The following PCDHGA9 variants were observed in gnomAD, a reference collection of about 807,000 sequenced individuals.
The protein encoded by PCDHGA9 is protocadherin gamma subfamily A, 9, also known as protocadherin gamma-A9.
PCDHGA9 carries 37 observed loss-of-function variants against 62.5 expected under a neutral mutation model. The observed-to-expected ratio is 0.59, with a 90% CI of 0.46 to 0.78. The LOEUF (loss-of-function observed/expected upper bound fraction) is 0.78. PCDHGA9 is among the 30% of genes least tolerant of loss of function. The pLI is 0.00. For missense variants in PCDHGA9, 1,138 were observed against 1,166.2 expected, an observed-to-expected ratio of 0.98 and a Z score of 0.35; for synonymous variants, 459 against 484.6, an observed-to-expected ratio of 0.95 and a Z score of 0.69.
At chr5:141,508,903 G>A (rs1410291297) in intron 3 of PCDHGA9, among the ~76,000 whole-genome samples, 1 of 152,086 alleles carries the variant, frequency 6.6e-6, no homozygotes, top group East Asian at 1.9e-4. Flanking sequence ...GGGCGGGGCG[G>A]TGGCGGATCT....
intron 1 of PCDHGA9, among the ~76,000 whole-genome samples, chr5:141,425,471 T>A (rs2096877403): frequency 6.6e-6 from 1 of 152,218 alleles, no homozygotes; most frequent in African/African-American, 2.4e-5. Flanking sequence ...TGTTATTAAT[T>A]CCTATGGCAA....
At chr5:141,501,516 C>A (rs763346187) in intron 2 of PCDHGA9, among the ~76,000 whole-genome samples, 1 of 152,010 alleles carries the variant, frequency 6.6e-6, no homozygotes, top group Non-Finnish European at 1.5e-5. Flanking sequence ...GGCCTCCAAG[C>A]TGAAGCCCAG....
Position 141,504,677 on chromosome 5 carries a change from T to C in PCDHGA9, c.2484-716T>C, listed in dbSNP as rs552242248. 4.7e-5 allele frequency among the ~76,000 whole-genome samples: 7 copies of C among 147,580 alleles called. No homozygotes were observed. In the East Asian group the frequency reaches 1.5e-3, roughly 31 times the overall value. ...TTTGAGGGCGGGGGGTGGGGGTTCT[T>C]GTAAAATAGGAGGGGCAGGTTCTTC... On this transcript the variant is annotated intron_variant, in intron 2 of 3. Transcript: ENST00000573521.
intron 1 of PCDHGA9, chr5:141,414,886 C>T (rs374779316): frequency 1.4e-5 from 22 of 1,614,120 alleles, no homozygotes; most frequent in African/African-American, 2.7e-5. Context: ...GTACCCCGCC[C>T]TCCCCACAGA....
Position 141,404,185 on chromosome 5 carries a change from C to T in PCDHGA9, c.1233C>T (p.Asp411=). The T allele has an allele frequency of 6.2e-7, 1 of 1,613,214 alleles. No individual in the cohort carries two copies. The highest frequency in any genetic ancestry group is 8.5e-7 in the Non-Finnish European group (1 of 1,179,536). The change falls in exon 1 of 4, where the codon GAC becomes GAT. Residue 411 remains aspartate (D), a synonymous_variant. Transcript: ENST00000573521. The part of the protein sequence containing the change: ...YYRLLTAQIL[D]REKASEYNIT... The stretch of plus-strand genomic sequence containing the variant: ...GATTGTTGACGGCCCAAATTCTTGA[C>T]CGAGAAAAAGCCTCAGAATATAATA...
rs994881086 is a variant in PCDHGA9, at chr5:141,417,704, A to C, written c.2424+12328A>C. 1.0e-4 allele frequency: 125 copies of C among 1,207,342 alleles called. 3 individuals are homozygous for C. In the East Asian group the frequency reaches 2.7e-3, roughly 26 times the overall value. The allele number at this position is 1,207,342 out of a possible 1,614,324, so 74.8% of individuals were successfully genotyped here. Reference sequence around the variant, plus strand: ...CAGAAAAGAAAACCAGCTCCCACACAGAGGCTCCCGGCTGCGCAGACCTTG... The same window carrying C: ...CAGAAAAGAAAACCAGCTCCCACACCGAGGCTCCCGGCTGCGCAGACCTTG... On this transcript the variant is annotated intron_variant, in intron 1 of 3. Transcript: ENST00000573521.
chr5:141,403,490 C>T lies in PCDHGA9; in HGVS notation c.538C>T (p.Leu180=). 1 of 1,614,044 alleles carries T rather than the reference C, an allele frequency of 6.2e-7. No homozygotes were observed. Among genetic ancestry groups the T allele is most frequent in the South Asian group, 1.1e-5 (1 of 91,086 alleles). Residue 180 remains leucine, a synonymous_variant, in exon 1 of 4, where the codon CTG becomes TTG. Transcript: ENST00000573521. Reference sequence around the variant, plus strand: ...GCTCAGCCCCAATCACCACTTCTCCCTGAACGTGCAGACTGGAGACAATGG... The same window carrying T: ...GCTCAGCCCCAATCACCACTTCTCCTTGAACGTGCAGACTGGAGACAATGG... The part of the protein sequence containing the change: ...YQLSPNHHFS[L]NVQTGDNGAI...
At chr5:141,438,607 T>C (rs924136790) in intron 1 of PCDHGA9, among the ~76,000 whole-genome samples, 2 of 27,412 alleles carry the variant, frequency 7.3e-5, no homozygotes. Flanking sequence ...TATATATATA[T>C]ATATATATAT....
intron 3 of PCDHGA9, 57 bp from the exon 4 acceptor site, chr5:141,510,890 A>G (rs1434557860): frequency 1.2e-5 from 20 of 1,612,748 alleles, no homozygotes; most frequent in South Asian, 3.3e-5. Context: ...GATATAAGAC[A>G]GTGACTGTTG....
intron 2 of PCDHGA9, among the ~76,000 whole-genome samples, chr5:141,503,940 C>G (rs890249753): frequency 6.6e-6 from 1 of 152,218 alleles, no homozygotes; most frequent in Non-Finnish European, 1.5e-5. Flanking sequence ...TTCATGCCTT[C>G]AAGGCCTACC....
intron 1 of PCDHGA9, chr5:141,424,411 C>T (rs1259102577): frequency 6.6e-6 from 1 of 152,154 alleles, no homozygotes; most frequent in Admixed American, 6.5e-5. Flanking sequence ...GGTGAAGTTA[C>T]ATTGACTGTT....
intron 1 of PCDHGA9, among the ~76,000 whole-genome samples, chr5:141,461,536 T>C (rs1424913303): frequency 1.3e-5 from 2 of 152,240 alleles, no homozygotes; most frequent in Non-Finnish European, 2.9e-5. Context: ...TTCTGGATAC[T>C]AGTCCTTTGT....
chr5:141,478,414 C>T, intron 1 of PCDHGA9: 1 of 1,613,630 alleles, frequency 6.2e-7, no homozygotes, highest in Non-Finnish European at 8.5e-7. Context: ...CCACGGACTC[C>T]CGCCGCAGCG....
chr5:141,500,036 T>C (rs1001193977), intron 2 of PCDHGA9, among the ~76,000 whole-genome samples: 8 of 152,176 alleles, frequency 5.3e-5, no homozygotes, highest in African/African-American at 1.9e-4. Flanking sequence ...TGAGTGTCTC[T>C]TAAGTATCTT....
chr5:141,408,287 C>G (rs2095075582), intron 1 of PCDHGA9: 1 of 1,613,354 alleles, frequency 6.2e-7, no homozygotes, highest in African/African-American at 1.3e-5. Flanking sequence ...CTACCCCACC[C>G]TGAGTGAGCC....
intron 1 of PCDHGA9, among the ~76,000 whole-genome samples, chr5:141,458,102 A>G (rs1314999618): frequency 6.6e-6 from 1 of 152,246 alleles, no homozygotes; most frequent in Admixed American, 6.5e-5. Context: ...GTACTTACAG[A>G]TAGTCTCCAA....
intron 1 of PCDHGA9, among the ~76,000 whole-genome samples, chr5:141,459,880 C>G (rs1240703946): frequency 6.6e-6 from 1 of 152,134 alleles, no homozygotes; most frequent in Non-Finnish European, 1.5e-5. Context: ...TTTAACTGAG[C>G]TGAACGCCTT....
rs557973676 is a variant in PCDHGA9, at chr5:141,429,315, T to C, written c.2424+23939T>C. 9.2e-5 allele frequency among the ~76,000 whole-genome samples: 14 copies of C among 152,298 alleles called. No individual in the cohort carries two copies. In the South Asian group the frequency reaches 2.9e-3, roughly 32 times the overall value. ...ACATCAATATTTGAGTATATAAGGC[T>C]TTTTCTTTAATCCATTAACTATAAA... On this transcript the variant is annotated intron_variant, in intron 1 of 3. Transcript: ENST00000573521.
intron 1 of PCDHGA9, among the ~76,000 whole-genome samples, chr5:141,474,644 C>G (rs1016496399): frequency 4.6e-5 from 7 of 152,180 alleles, no homozygotes; most frequent in Non-Finnish European, 1.0e-4. Flanking sequence ...CCTATATATC[C>G]TTACTTCTTT....
Sources: gnomAD v4.1 joint callset for allele counts (sites outside exome capture counted in the v4.1 genomes callset) on GRCh38, gnomAD v4.1.1 for gene constraint, MANE v1.5 for transcripts, NCBI Gene and HGNC (gene_info 2026-07-23, HGNC 2026-07-21) for gene names.